Variants in ARL6IP1 observed in about 807,000 individuals in gnomAD.
ARL6IP1 encodes the protein ADP-ribosylation factor-like protein 6-interacting protein 1.
A neutral mutation model predicts 30.1 loss-of-function variants in ARL6IP1; 16 were observed. The observed-to-expected ratio is 0.53, with a 90% CI of 0.36 to 0.81. The LOEUF (loss-of-function observed/expected upper bound fraction) is 0.81, where lower values mean the gene tolerates loss of function less well. Ranked by LOEUF, ARL6IP1 falls within the 30% of genes least tolerant of loss-of-function variation. ARL6IP1 has a pLI of 0.01. For synonymous variants in ARL6IP1, 72 were observed against 84.8 expected (o/e 0.85, Z 0.83); for missense variants, 173 against 242.7 (o/e 0.71, Z 1.91).
At chr16:18,796,896 C>T (rs2030248297) in intron 3 of ARL6IP1, among the ~76,000 whole-genome samples, 1 of 152,126 alleles carries the variant, frequency 6.6e-6, no homozygotes, top group Admixed American at 6.5e-5. Context: ...CAACCAAAGG[C>T]ACAAGTAGAA....
chr16:18,795,016 C>CTTTTTTT, intron 4 of ARL6IP1, among the ~76,000 whole-genome samples: 1 of 133,288 alleles, frequency 7.5e-6, no homozygotes, highest in Non-Finnish European at 1.6e-5. Flanking sequence ...AGATGCTTTC[C>CTTTTTTT]TTTTTTTTTT....
chr16:18,798,904 T>C (rs2030323582), intron 1 of ARL6IP1, 70 bp from the exon 2 acceptor site: 1 of 1,443,142 alleles, frequency 6.9e-7, no homozygotes, highest in Non-Finnish European at 9.2e-7. Flanking sequence ...TAGACTTCAA[T>C]TATTTTAAAG....
chr16:18,794,274 A>G (rs1175733170), intron 5 of ARL6IP1, among the ~76,000 whole-genome samples: 9 of 152,228 alleles, frequency 5.9e-5, no homozygotes, highest in Non-Finnish European at 7.3e-5. Flanking sequence ...TAAAGAAGGC[A>G]GGTTCCTACA....
chr16:18,794,568 A>G (rs772737601), intron 5 of ARL6IP1, 31 bp downstream of exon 5: 20 of 1,549,770 alleles, frequency 1.3e-5, no homozygotes, highest in Non-Finnish European at 1.7e-5. Flanking sequence ...ACTGGCCAGG[A>G]TGTGCCTGTA....
intron 1 of ARL6IP1, 179 bp downstream of exon 1, chr16:18,801,252 A>G (rs939656290): frequency 2.1e-6 from 3 of 1,423,578 alleles, no homozygotes; most frequent in African/African-American, 2.9e-5. Context: ...GTCCCCAGGA[A>G]AGGTAAGGGT....
At chr16:18,797,901 C>A (rs764063004) in intron 3 of ARL6IP1, 24 bp downstream of exon 3, 11 of 1,601,906 alleles carry the variant, frequency 6.9e-6, no homozygotes, top group African/African-American at 4.1e-5. Flanking sequence ...AAAAATGAGA[C>A]TGCCAAATCA....
At chr16:18,795,690 A>T in intron 3 of ARL6IP1, 109 bp from the exon 4 acceptor site, 1 of 737,936 alleles carries the variant, frequency 1.4e-6, no homozygotes, top group Admixed American at 2.7e-5. Flanking sequence ...AAATAAAAAC[A>T]ATGTTTCACC....
chr16:18,800,263 C>T (rs2030367689), intron 1 of ARL6IP1, among the ~76,000 whole-genome samples: 3 of 152,304 alleles, frequency 2.0e-5, no homozygotes, highest in South Asian at 2.1e-4. Flanking sequence ...GGTGTTATTA[C>T]TGTCCCCATT....
At chr16:18,800,655 G>C (rs2030379804) in intron 1 of ARL6IP1, among the ~76,000 whole-genome samples, 1 of 152,192 alleles carries the variant, frequency 6.6e-6, no homozygotes, top group Non-Finnish European at 1.5e-5. Flanking sequence ...TTCATTGCTG[G>C]TATGTGACCT....
rs2030105503 is a variant in ARL6IP1 at position 18,792,909 on chromosome 16, G to A, written c.*343C>T. Reference sequence around the variant, plus strand: ...ATGGTATCTAAGCTAAAGCAAAGATGAACAATTATCCAGATTCACTTGAAC... The same window carrying A: ...ATGGTATCTAAGCTAAAGCAAAGATAAACAATTATCCAGATTCACTTGAAC... On this transcript the variant is annotated 3_prime_UTR_variant, in exon 6 of 6. Coordinates refer to ENST00000304414, the MANE Select transcript of ARL6IP1 (RefSeq NM_015161.3). 1 of 163,362 alleles carries A rather than the reference G, an allele frequency of 6.1e-6. No individual in the cohort carries two copies. Among genetic ancestry groups the A allele is most frequent in the South Asian group, 1.9e-4 (1 of 5,220 alleles). 10.1% of individuals were successfully genotyped at this position (163,362 alleles called of 1,614,324 possible).
At position 18,791,825 on chromosome 16, in the gene ARL6IP1, A is replaced by G. The variant is rs954941329; in HGVS notation, c.*1427T>C. On this transcript the variant is annotated 3_prime_UTR_variant, in exon 6 of 6. Transcript: ENST00000304414. ...GGCTTATTTACAATGAAAGTAAGGT[A>G]AAATTAACGTAGTTTTCTTATGAAA... The G allele has an allele frequency of 1.8e-4, 28 of 152,616 alleles. No individual in the cohort carries two copies. The highest frequency in any genetic ancestry group is 6.5e-4 in the African/African-American group (27 of 41,456). 9.5% of individuals were successfully genotyped at this position (152,616 alleles called of 1,614,324 possible).
At chr16:18,798,942 C>T in intron 1 of ARL6IP1, 108 bp from the exon 2 acceptor site, 1 of 1,224,200 alleles carries the variant, frequency 8.2e-7, no homozygotes, top group Non-Finnish European at 1.1e-6. Context: ...AACCTCTTAA[C>T]CAAATTGCCA....
intron 1 of ARL6IP1, among the ~76,000 whole-genome samples, chr16:18,800,121 C>CAA (rs1567293125): frequency 4.6e-5 from 7 of 152,180 alleles, no homozygotes; most frequent in Non-Finnish European, 8.8e-5. Flanking sequence ...ACGCTGAGCA[C>CAA]TAGTGTGATC....
chr16:18,794,577 T>G, intron 5 of ARL6IP1, 22 bp downstream of exon 5: 4 of 1,594,074 alleles, frequency 2.5e-6, no homozygotes, highest in Non-Finnish European at 3.4e-6. Flanking sequence ...GATGTGCCTG[T>G]AGTTTTTCCT....
At chr16:18,797,641 T>G (rs1190830047) in intron 3 of ARL6IP1, 1 of 221,592 alleles carries the variant, frequency 4.5e-6, no homozygotes, top group Non-Finnish European at 8.8e-6. Flanking sequence ...TTTCCTTTTC[T>G]GTATTCATTC....
chr16:18,800,053 T>A (rs1404351043), intron 1 of ARL6IP1, among the ~76,000 whole-genome samples: 1 of 152,132 alleles, frequency 6.6e-6, no homozygotes, highest in Non-Finnish European at 1.5e-5. Flanking sequence ...TCACTGGAAA[T>A]CATGCAAATG....
chr16:18,795,543 C>T lies in ARL6IP1; in HGVS notation c.329G>A (p.Ser110Asn), dbSNP rs1258070302. 15 of 1,613,568 alleles carry T rather than the reference C, an allele frequency of 9.3e-6. No homozygotes were observed. Among genetic ancestry groups the T allele is most frequent in the Non-Finnish European group, 1.3e-5 (15 of 1,179,850 alleles). The change falls in exon 4 of 6, where the codon AGC becomes AAC. Residue 110 changes from serine to asparagine, a missense_variant. Physicochemically the swap from Ser to Asn is conservative, Grantham distance 46 (BLOSUM62 1). Transcript: ENST00000304414. Reference protein sequence around the residue: ...EQQQRFHEICSNLVKTRRRAV... With the variant: ...EQQQRFHEICNNLVKTRRRAV... Reference sequence around the variant, plus strand: ...TCTGCGTCGAGTTTTTACTAGATTGCTGCAAATTTCATGGAATCTTTGCTG... The same window carrying T: ...TCTGCGTCGAGTTTTTACTAGATTGTTGCAAATTTCATGGAATCTTTGCTG...
intron 1 of ARL6IP1, among the ~76,000 whole-genome samples, chr16:18,800,275 T>G (rs1337105571): frequency 6.6e-6 from 1 of 152,222 alleles, no homozygotes; most frequent in East Asian, 1.9e-4. Context: ...GTCCCCATTT[T>G]ACCAAGGAGG....
At chr16:18,801,001 C>T (rs1044414728) in intron 1 of ARL6IP1, among the ~76,000 whole-genome samples, 3 of 152,224 alleles carry the variant, frequency 2.0e-5, no homozygotes, top group Non-Finnish European at 4.4e-5. Context: ...AGCCCTTTGA[C>T]CCTCCACCCT....
Sources: allele counts gnomAD v4.1 joint callset (sites outside exome capture counted in the v4.1 genomes callset), GRCh38; gene constraint gnomAD v4.1.1; transcripts MANE v1.5; gene names NCBI Gene and HGNC (gene_info 2026-07-23, HGNC 2026-07-21).